FZD6: variants seen among roughly 807,000 people sequenced by gnomAD.
The protein encoded by FZD6 is frizzled class receptor 6.
A neutral mutation model predicts 61.4 loss-of-function variants in FZD6; 49 were observed. The observed-to-expected ratio is 0.80, with a 90% CI of 0.63 to 1.01. The LOEUF (loss-of-function observed/expected upper bound fraction) is 1.01. FZD6 is among the 50% of genes least tolerant of loss of function. The pLI is 0.00. For synonymous variants in FZD6, 265 were observed against 292.2 expected, an observed-to-expected ratio of 0.91 and a Z score of 0.95; for missense variants, 724 against 848.2, an observed-to-expected ratio of 0.85 and a Z score of 1.82.
intron 2 of FZD6, among the ~76,000 whole-genome samples, chr8:103,305,990 T>C (rs1814320099): frequency 6.6e-6 from 1 of 152,272 alleles, no homozygotes; most frequent in Non-Finnish European, 1.5e-5. Context: ...TTCATTCATA[T>C]TTATTGAATA....
intron 4 of FZD6, among the ~76,000 whole-genome samples, chr8:103,326,858 A>C (rs985348608): frequency 6.6e-6 from 1 of 152,148 alleles, no homozygotes; most frequent in Non-Finnish European, 1.5e-5. Flanking sequence ...ATGAGAAAAG[A>C]GTAGGAAAAA....
rs1255993777 is a variant in FZD6, at chr8:103,318,587, T to G, written c.178-3T>G. On this transcript the variant is annotated splice_region_variant and splice_polypyrimidine_tract_variant and intron_variant, in intron 2 of 6. Coordinates refer to ENST00000358755, the MANE Select transcript of FZD6 (RefSeq NM_003506.4). ...TCTAACTGTATCTTGATGTCTTTAATAGCATTTTCTTCCTCTCGCAAATCT... is the reference window on the plus strand; with the variant it reads ...TCTAACTGTATCTTGATGTCTTTAAGAGCATTTTCTTCCTCTCGCAAATCT... 6.4e-7 allele frequency: 1 copy of G among 1,555,962 alleles called. No individual in the cohort carries two copies. The highest frequency in any genetic ancestry group is 8.9e-7 in the Non-Finnish European group (1 of 1,127,104).
chr8:103,299,889 T>C lies in FZD6; in HGVS notation c.-152-67T>C, dbSNP rs547449213. On this transcript the variant is annotated intron_variant, in intron 1 of 6. Transcript: ENST00000358755. ...TTACCTGGGGTGAAAATCTTAACTC[T>C]GCACTTTGACTCCACATTTGAGTTT... 8.8e-5 allele frequency: 45 copies of C among 511,398 alleles called. No homozygotes were observed. In the South Asian group the frequency reaches 9.3e-4, roughly 11 times the overall value. 31.7% of individuals were successfully genotyped at this position (511,398 alleles called of 1,614,324 possible).
At chr8:103,306,796 C>T (rs1007245520) in intron 2 of FZD6, among the ~76,000 whole-genome samples, 5 of 152,010 alleles carry the variant, frequency 3.3e-5, no homozygotes, top group South Asian at 2.1e-4. Context: ...TGAGCCACCG[C>T]GCCTGGCCCC....
intron 4 of FZD6, among the ~76,000 whole-genome samples, chr8:103,327,222 A>G (rs964838342): frequency 2.6e-5 from 4 of 152,234 alleles, no homozygotes; most frequent in African/African-American, 9.6e-5. Context: ...ATGACAATAG[A>G]TTGGAAGTAA....
At position 103,332,705 on chromosome 8, in the gene FZD6, G is replaced by C. The variant is rs1815176549; in HGVS notation, c.*1196G>C. The C allele has an allele frequency of 6.6e-6, 1 of 152,296 alleles. No individual in the cohort carries two copies. The highest frequency in any genetic ancestry group is 6.6e-5 in the Admixed American group (1 of 15,228). 9.4% of individuals were successfully genotyped at this position (152,296 alleles called of 1,614,324 possible). ...TTCTCTCAATTTAGCATTTGCTTTT[G>C]GTTTTTTTCTCTATTTAGCATTCTG... On this transcript the variant is annotated 3_prime_UTR_variant, in exon 7 of 7. Coordinates refer to ENST00000358755, the MANE Select transcript of FZD6 (RefSeq NM_003506.4).
At chr8:103,330,473 T>A (rs1282789612) in intron 6 of FZD6, among the ~76,000 whole-genome samples, 1 of 152,232 alleles carries the variant, frequency 6.6e-6, no homozygotes, top group East Asian at 1.9e-4. Context: ...GACATTATCT[T>A]TAATGAATTT....
At position 103,324,929 on chromosome 8, in the gene FZD6, C is replaced by G; in HGVS notation, c.823C>G (p.Leu275Val). The change falls in exon 4 of 7, where the codon CTA becomes GTA. Residue 275 changes from leucine (L) to valine (V), a missense_variant. Physicochemically the swap from Leu to Val is conservative, Grantham distance 32. Coordinates refer to ENST00000358755, the MANE Select transcript of FZD6 (RefSeq NM_003506.4). ...EKLELGDTVV[L>V]GSQNKACTVL... ...GCTAGAACTTGGTGACACTGTTGTC[C>G]TAGGCTCTCAAAATAAGGCTTGCAC... 1 of 1,614,040 alleles carries G rather than the reference C, an allele frequency of 6.2e-7. No homozygotes were observed. The highest frequency in any genetic ancestry group is 8.5e-7 in the Non-Finnish European group (1 of 1,179,948).
In FZD6 at chr8:103,318,914, G is replaced by A. The variant is rs149726709; in HGVS notation, c.374+128G>A. On this transcript the variant is annotated intron_variant, in intron 3 of 6. Transcript: ENST00000358755. ...TTTATTACACACTTAATATATGTCAGGCACTATGGTGCTAAGTGCTGTGGA... is the reference window on the plus strand; with the variant it reads ...TTTATTACACACTTAATATATGTCAAGCACTATGGTGCTAAGTGCTGTGGA... 3.1e-4 allele frequency: 218 copies of A among 712,814 alleles called. 1 individual carries two copies. In the Middle Eastern group the frequency reaches 5.2e-3, roughly 17 times the overall value. The allele number at this position is 712,814 out of a possible 1,614,324, so 44.2% of individuals were successfully genotyped here.
intron 3 of FZD6, among the ~76,000 whole-genome samples, chr8:103,320,291 T>C (rs909962781): frequency 6.6e-6 from 1 of 152,120 alleles, no homozygotes; most frequent in Non-Finnish European, 1.5e-5. Context: ...CTTCGTAACA[T>C]TTTAGGTAAA....
chr8:103,299,923 T>C (rs1229524149), intron 1 of FZD6, 33 bp from the exon 2 acceptor site: 1 of 568,648 alleles, frequency 1.8e-6, no homozygotes, highest in East Asian at 3.0e-5. Flanking sequence ...TTATGACAAA[T>C]GTTGCTGATA....
At chr8:103,301,649 G>A (rs1038121204) in intron 2 of FZD6, among the ~76,000 whole-genome samples, 12 of 151,902 alleles carry the variant, frequency 7.9e-5, no homozygotes, top group South Asian at 2.1e-4. Flanking sequence ...CAAGTGATCC[G>A]TCCTGCCTCA....
At chr8:103,313,300 C>T (rs1229412356) in intron 2 of FZD6, among the ~76,000 whole-genome samples, 6 of 152,160 alleles carry the variant, frequency 3.9e-5, no homozygotes, top group South Asian at 2.1e-4. Context: ...AAGTAGCATT[C>T]GATCAGGAAT....
chr8:103,323,115 C>T (rs920117941), intron 3 of FZD6, among the ~76,000 whole-genome samples: 4 of 151,964 alleles, frequency 2.6e-5, no homozygotes, highest in Admixed American at 6.6e-5. Context: ...AAGTTCAAAA[C>T]CTGAAAAACA....
Position 103,331,322 on chromosome 8 carries a change from C to CT in FZD6, c.1953-12dup. 6.3e-7 allele frequency: 1 copy of CT among 1,591,390 alleles called. No homozygotes were observed. The highest frequency in any genetic ancestry group is 8.6e-7 in the Non-Finnish European group (1 of 1,159,240). The stretch of plus-strand genomic sequence containing the variant: ...GTGTTTGTGGATGTGTGTGTGTCAA[C>CT]TTTTTTTCTTTTATCTAGGATTAGT... On this transcript the variant is annotated intron_variant, in intron 6 of 6. Coordinates refer to ENST00000358755, the MANE Select transcript of FZD6 (RefSeq NM_003506.4).
At chr8:103,312,038 C>G (rs1336690469) in intron 2 of FZD6, among the ~76,000 whole-genome samples, 1 of 152,120 alleles carries the variant, frequency 6.6e-6, no homozygotes, top group Non-Finnish European at 1.5e-5. Flanking sequence ...AGAAAATACT[C>G]TATGTATTTT....
intron 2 of FZD6, among the ~76,000 whole-genome samples, chr8:103,316,182 T>G (rs1814620848): frequency 6.6e-6 from 1 of 152,190 alleles, no homozygotes; most frequent in Non-Finnish European, 1.5e-5. Flanking sequence ...TCCCAACAAT[T>G]AACACAGTAG....
chr8:103,321,009 A>G (rs1188640778), intron 3 of FZD6, among the ~76,000 whole-genome samples: 1 of 152,174 alleles, frequency 6.6e-6, no homozygotes, highest in Admixed American at 6.5e-5. Context: ...GATTCAGTAA[A>G]TAAGTTATAT....
Position 103,324,511 on chromosome 8 carries a change from A to G in FZD6, c.405A>G (p.Val135=). The change falls in exon 4 of 7, where the codon GTA becomes GTG. Residue 135 remains valine (V), a synonymous_variant. Transcript: ENST00000358755. The stretch of plus-strand genomic sequence containing the variant: ...AATACTGTGATGAGACTGTTCCTGT[A>G]ACTTTTGATCCACACACAGAATTTC... The part of the protein sequence containing the change: ...RLQYCDETVP[V]TFDPHTEFLG... 6.2e-7 allele frequency: 1 copy of G among 1,605,142 alleles called. No individual in the cohort carries two copies. The highest frequency in any genetic ancestry group is 1.7e-5 in the Admixed American group (1 of 59,950).
Sources: gnomAD v4.1 joint callset for allele counts (sites outside exome capture counted in the v4.1 genomes callset) on GRCh38, gnomAD v4.1.1 for gene constraint, MANE v1.5 for transcripts, NCBI Gene and HGNC (gene_info 2026-07-23, HGNC 2026-07-21) for gene names.